CSMD1: variants seen among roughly 807,000 people sequenced by gnomAD.
CSMD1 encodes CUB and sushi domain-containing protein 1.
In CSMD1, 213 loss-of-function variants were observed where a neutral mutation model predicts 417.5. That is an observed-to-expected ratio of 0.51 (90% CI 0.46 to 0.57). CSMD1 has a LOEUF of 0.57. Ranked by LOEUF, CSMD1 falls within the 20% of genes least tolerant of loss-of-function variation. CSMD1 has a pLI of 0.00. For synonymous variants in CSMD1, 2,862 were observed against 1,736.8 expected (o/e 1.65, Z -16.11); for missense variants, 6,923 against 4,529.7 (o/e 1.53, Z -15.17).
chr8:3,876,598 G>C (rs185528359), intron 5 of CSMD1, among the ~76,000 whole-genome samples: 64 of 152,170 alleles, frequency 4.2e-4, no homozygotes, highest in Admixed American at 5.9e-4. Flanking sequence ...CATGCTTCAT[G>C]GTATTGTTTT....
intron 1 of CSMD1, among the ~76,000 whole-genome samples, chr8:4,643,606 C>A (rs1344347707): frequency 6.6e-6 from 1 of 152,198 alleles, no homozygotes; most frequent in Non-Finnish European, 1.5e-5. Flanking sequence ...AGGAGTACGA[C>A]AGACTTCTAA....
chr8:3,084,108 T>C (rs1188450511), intron 49 of CSMD1, among the ~76,000 whole-genome samples: 1 of 152,094 alleles, frequency 6.6e-6, no homozygotes. Flanking sequence ...TCTAGCATAA[T>C]CCACAACACA....
chr8:3,273,807 T>G (rs928800145), intron 26 of CSMD1, among the ~76,000 whole-genome samples: 2 of 152,242 alleles, frequency 1.3e-5, no homozygotes, highest in Non-Finnish European at 2.9e-5. Flanking sequence ...TTGTATCTAT[T>G]TGATTCCTCT....
chr8:3,449,871 G>A (rs891246863), intron 12 of CSMD1, among the ~76,000 whole-genome samples: 9 of 152,112 alleles, frequency 5.9e-5, no homozygotes, highest in Admixed American at 5.2e-4. Flanking sequence ...GCCTCACGTT[G>A]TAAAGTTTCT....
intron 5 of CSMD1, among the ~76,000 whole-genome samples, chr8:3,843,396 T>A (rs1274951801): frequency 6.6e-6 from 1 of 152,162 alleles, no homozygotes; most frequent in Non-Finnish European, 1.5e-5. Flanking sequence ...AGCAAAGATA[T>A]TTCAGATATT....
chr8:3,187,552 T>C (rs73183572), intron 36 of CSMD1, among the ~76,000 whole-genome samples: 21,069 of 152,094 alleles, frequency 0.14, 1,842 homozygotes, highest in Admixed American at 0.21. Flanking sequence ...TGAGAACCGT[T>C]TCCTAACCTC....
At chr8:4,206,374 G>C (rs139133180) in intron 3 of CSMD1, among the ~76,000 whole-genome samples, 11 of 151,828 alleles carry the variant, frequency 7.2e-5, no homozygotes, top group African/African-American at 2.7e-4. Flanking sequence ...GCCCCGGTAT[G>C]TCATATTCCC....
At chr8:3,394,304 A>G (rs1176207135) in intron 17 of CSMD1, among the ~76,000 whole-genome samples, 3 of 148,736 alleles carry the variant, frequency 2.0e-5, no homozygotes, top group Non-Finnish European at 3.0e-5. Flanking sequence ...TATTATTATA[A>G]TATTAGTGAG....
At chr8:3,877,485 A>C (rs944634793) in intron 5 of CSMD1, among the ~76,000 whole-genome samples, 5 of 152,146 alleles carry the variant, frequency 3.3e-5, no homozygotes, top group African/African-American at 1.2e-4. Flanking sequence ...ATTTGCTTCT[A>C]AGACGAGGGA....
intron 3 of CSMD1, among the ~76,000 whole-genome samples, chr8:4,076,881 T>C (rs139879995): frequency 6.6e-6 from 1 of 152,252 alleles, no homozygotes; most frequent in African/African-American, 2.4e-5. Context: ...TCCATTATCT[T>C]TCCAGTCTGA....
chr8:3,829,940 T>C (rs1474416219), intron 5 of CSMD1, among the ~76,000 whole-genome samples: 1 of 152,178 alleles, frequency 6.6e-6, no homozygotes, highest in Non-Finnish European at 1.5e-5. Context: ...GAAAAAAAAC[T>C]GATTTCAAGG....
At chr8:4,451,494 T>C (rs1799142731) in intron 2 of CSMD1, among the ~76,000 whole-genome samples, 1 of 152,128 alleles carries the variant, frequency 6.6e-6, no homozygotes, top group Non-Finnish European at 1.5e-5. Flanking sequence ...CATAGAGAAA[T>C]ATTAAACAAG....
rs528034246 is a variant in CSMD1 at position 3,700,650 on chromosome 8, C to A, written c.1009+7764G>T. On this transcript the variant is annotated intron_variant, in intron 7 of 69. Transcript: ENST00000635120. ...GCCAGAGAAAGCGAATTTTAAGAAA[C>A]GATGTGAGGGAGGGAGGATGTGATA... The A allele has an allele frequency of 5.9e-5, 9 of 152,158 alleles. 1 individual carries two copies. The East Asian group carries it at 1.8e-3, about 30-fold the overall frequency. 9.4% of individuals were successfully genotyped at this position (152,158 alleles called of 1,614,324 possible). A position where few individuals can be genotyped will look rare whatever the true frequency, so the allele number is the denominator to read the frequency against.
intron 1 of CSMD1, among the ~76,000 whole-genome samples, chr8:4,639,371 G>A (rs1293980201): frequency 9.2e-5 from 14 of 151,396 alleles, no homozygotes; most frequent in Admixed American, 4.6e-4. Context: ...CAGACAGATC[G>A]TTGGAAGTGT....
chr8:4,871,204 G>C (rs1802718716), intron 1 of CSMD1, among the ~76,000 whole-genome samples: 1 of 152,132 alleles, frequency 6.6e-6, no homozygotes, highest in Non-Finnish European at 1.5e-5. Context: ...ATAGGATTTT[G>C]TTCTAAGAAA....
At chr8:4,358,278 G>A (rs762199555) in intron 3 of CSMD1, among the ~76,000 whole-genome samples, 2 of 151,930 alleles carry the variant, frequency 1.3e-5, no homozygotes, top group South Asian at 2.1e-4. Flanking sequence ...TGGGTGTGGA[G>A]CGCGGCCATG....
intron 3 of CSMD1, among the ~76,000 whole-genome samples, chr8:4,054,288 G>T (rs1213091586): frequency 2.7e-5 from 1 of 37,670 alleles, no homozygotes; most frequent in Non-Finnish European, 5.7e-5. Context: ...TGAAGATGTG[G>T]CTTCCACTTC....
At chr8:3,906,410 C>T (rs547311917) in intron 5 of CSMD1, among the ~76,000 whole-genome samples, 28 of 151,996 alleles carry the variant, frequency 1.8e-4, no homozygotes, top group African/African-American at 3.6e-4. Context: ...CTGTTTTTAA[C>T]GAACATGATA....
chr8:4,203,309 G>A (rs767178624), intron 3 of CSMD1, among the ~76,000 whole-genome samples: 4 of 152,058 alleles, frequency 2.6e-5, no homozygotes, highest in Non-Finnish European at 2.9e-5. Flanking sequence ...TCAACACCAC[G>A]GGGTCGGCTC....
Sources: gnomAD v4.1 joint callset for allele counts (sites outside exome capture counted in the v4.1 genomes callset) on GRCh38, gnomAD v4.1.1 for gene constraint, MANE v1.5 for transcripts, NCBI Gene and HGNC (gene_info 2026-07-23, HGNC 2026-07-21) for gene names.